The following CHST9 variants were observed in gnomAD, a reference collection of about 807,000 sequenced individuals.
CHST9 encodes the protein GalNAc-4-sulfotransferase 2.
In CHST9, 41 loss-of-function variants were observed where a neutral mutation model predicts 44.4. The ratio of observed to expected loss-of-function variants is 0.92; its 90% CI spans 0.72 to 1.20. The LOEUF (loss-of-function observed/expected upper bound fraction) is 1.20. CHST9 is among the 50% of genes most tolerant of loss of function. The pLI is 0.00. For synonymous variants in CHST9, 171 were observed against 178.4 expected, an observed-to-expected ratio of 0.96 and a Z score of 0.33; for missense variants, 504 against 516.5, an observed-to-expected ratio of 0.98 and a Z score of 0.23.
chr18:26,952,840 A>G (rs2056269532), intron 4 of CHST9, among the ~76,000 whole-genome samples: 2 of 152,308 alleles, frequency 1.3e-5, no homozygotes, highest in South Asian at 4.1e-4. Flanking sequence ...TGGCAGAGAG[A>G]AATAAGTGAA....
At chr18:27,044,667 T>C (rs1027994644) in intron 3 of CHST9, among the ~76,000 whole-genome samples, 1 of 152,034 alleles carries the variant, frequency 6.6e-6, no homozygotes, top group Non-Finnish European at 1.5e-5. Context: ...TCACTCTTGA[T>C]TTTTAAGTTT....
rs531435880 is a variant in CHST9 at position 27,068,983 on chromosome 18, T to G, written c.122-20480A>C. 2.5e-4 allele frequency among the ~76,000 whole-genome samples: 38 copies of G among 152,338 alleles called. 3 individuals carry two copies. The highest frequency in any genetic ancestry group is 9.1e-4 in the African/African-American group (38 of 41,570). ...TGAGTTTGAAAGCTTTTGTTGTATTTTGCCTGCCATTTTATGTGTTTGGAT... is the reference window on the plus strand; with the variant it reads ...TGAGTTTGAAAGCTTTTGTTGTATTGTGCCTGCCATTTTATGTGTTTGGAT... On this transcript the variant is annotated intron_variant, in intron 2 of 5. Coordinates refer to ENST00000618847, the MANE Select transcript of CHST9 (RefSeq NM_031422.6).
intron 2 of CHST9, among the ~76,000 whole-genome samples, chr18:27,132,327 G>T (rs1410899324): frequency 6.6e-6 from 1 of 152,122 alleles, no homozygotes; most frequent in Non-Finnish European, 1.5e-5. Flanking sequence ...ATACTGTATT[G>T]CAAAAGGAAA....
At chr18:26,943,105 T>TA (rs543787110) in intron 5 of CHST9, among the ~76,000 whole-genome samples, 3,868 of 148,414 alleles carry the variant, frequency 0.026, 76 homozygotes, top group Non-Finnish European at 0.038. Context: ...AGACTCCGTC[T>TA]AAAAAAAAAA....
rs1475150260 is a variant in CHST9 at position 27,151,823 on chromosome 18, T to G, written c.-96-8918A>C. 2.6e-5 allele frequency among the ~76,000 whole-genome samples: 4 copies of G among 152,232 alleles called. No individual in the cohort carries two copies. In the East Asian group the frequency reaches 7.7e-4, roughly 29 times the overall value. Reference sequence around the variant, plus strand: ...CCGCAGTCCTGCTGACACCTTAATTTTAGCCCCTGTCAGACTTCTGACCTA... The same window carrying G: ...CCGCAGTCCTGCTGACACCTTAATTGTAGCCCCTGTCAGACTTCTGACCTA... On this transcript the variant is annotated intron_variant, in intron 1 of 5. Transcript: ENST00000618847.
intron 5 of CHST9, among the ~76,000 whole-genome samples, chr18:26,940,017 G>T (rs2056059466): frequency 6.6e-6 from 1 of 152,082 alleles, no homozygotes; most frequent in South Asian, 2.1e-4. Flanking sequence ...CCACTTCAGG[G>T]GCTACTGGGT....
At chr18:26,977,995 T>C (rs1039887037) in intron 4 of CHST9, among the ~76,000 whole-genome samples, 22 of 152,046 alleles carry the variant, frequency 1.4e-4, no homozygotes, top group African/African-American at 4.8e-4. Context: ...TGAGTCCCCT[T>C]TGTAGATGCA....
At chr18:27,107,962 C>T (rs1429794927) in intron 2 of CHST9, among the ~76,000 whole-genome samples, 1 of 152,162 alleles carries the variant, frequency 6.6e-6, no homozygotes, top group Non-Finnish European at 1.5e-5. Flanking sequence ...CGTTATTACT[C>T]AGGGCTTGTT....
At chr18:27,133,170 T>G (rs2058486090) in intron 2 of CHST9, among the ~76,000 whole-genome samples, 1 of 152,232 alleles carries the variant, frequency 6.6e-6, no homozygotes, top group African/African-American at 2.4e-5. Context: ...AGGGTTACAT[T>G]GTAATATGGC....
chr18:27,063,133 G>A (rs1248089435), intron 2 of CHST9, among the ~76,000 whole-genome samples: 3 of 152,168 alleles, frequency 2.0e-5, no homozygotes, highest in African/African-American at 7.2e-5. Flanking sequence ...GGAAAGAAGG[G>A]GGAAATATTT....
At chr18:26,945,952 T>TA (rs2056155820) in intron 4 of CHST9, among the ~76,000 whole-genome samples, 3 of 152,170 alleles carry the variant, frequency 2.0e-5, no homozygotes, top group Admixed American at 2.0e-4. Flanking sequence ...CTCCATGTCA[T>TA]ATGAGATACA....
At chr18:26,988,071 A>T (rs1470795189) in intron 4 of CHST9, among the ~76,000 whole-genome samples, 1 of 152,172 alleles carries the variant, frequency 6.6e-6, no homozygotes, top group African/African-American at 2.4e-5. Flanking sequence ...CAAAAAAAAT[A>T]ACCTAACAAA....
chr18:27,147,200 G>C (rs2058619446), intron 1 of CHST9, among the ~76,000 whole-genome samples: 1 of 152,080 alleles, frequency 6.6e-6, no homozygotes, highest in Non-Finnish European at 1.5e-5. Context: ...CATTAGCTGT[G>C]ATTACAGGCA....
At chr18:26,994,888 C>T (rs771944525) in intron 4 of CHST9, among the ~76,000 whole-genome samples, 83 of 152,088 alleles carry the variant, frequency 5.5e-4, no homozygotes, top group Non-Finnish European at 9.9e-4. Context: ...TGTGCCTGGC[C>T]TGGATTTATT....
Position 26,906,694 on chromosome 18 carries a change from C to T in CHST9, c.*9565G>A, listed in dbSNP as rs2055376801. 1 of 152,150 alleles carries T rather than the reference C, an allele frequency of 6.6e-6. No homozygotes were observed. Among genetic ancestry groups the T allele is most frequent in the African/African-American group, 2.4e-5 (1 of 41,428 alleles). The allele number at this position is 152,150 out of a possible 1,614,324, so 9.4% of individuals were successfully genotyped here. On this transcript the variant is annotated 3_prime_UTR_variant, in exon 6 of 6. Transcript: ENST00000618847. ...TCTTACTCATGACAAGCCCCAGGCT[C>T]CTAACCATCCTACATAGAATCCTGC...
chr18:27,125,122 T>C (rs546792360), intron 2 of CHST9, among the ~76,000 whole-genome samples: 3 of 152,336 alleles, frequency 2.0e-5, no homozygotes, highest in African/African-American at 7.2e-5. Context: ...TAGCTAATTA[T>C]TATGTGATGG....
At chr18:27,152,148 G>T (rs2058664395) in intron 1 of CHST9, among the ~76,000 whole-genome samples, 1 of 152,048 alleles carries the variant, frequency 6.6e-6, no homozygotes, top group Admixed American at 6.6e-5. Context: ...ATTTATAGGT[G>T]CTTCCTTATA....
intron 2 of CHST9, among the ~76,000 whole-genome samples, chr18:27,123,734 G>A (rs898155551): frequency 6.6e-6 from 1 of 152,208 alleles, no homozygotes; most frequent in African/African-American, 2.4e-5. Context: ...CTGACATCAA[G>A]AACATGGTCT....
At chr18:26,942,671 A>G (rs1004509506) in intron 5 of CHST9, among the ~76,000 whole-genome samples, 2 of 152,252 alleles carry the variant, frequency 1.3e-5, no homozygotes, top group Non-Finnish European at 2.9e-5. Context: ...TGTTACATTT[A>G]TAAGGAAAAC....
Sources: gnomAD v4.1 joint callset for allele counts (sites outside exome capture counted in the v4.1 genomes callset) on GRCh38, gnomAD v4.1.1 for gene constraint, MANE v1.5 for transcripts, NCBI Gene and HGNC (gene_info 2026-07-23, HGNC 2026-07-21) for gene names.